The following FAM53A variants were observed in gnomAD, a reference collection of about 807,000 sequenced individuals.
FAM53A encodes protein FAM53A.
Under a neutral mutation model 26.6 loss-of-function variants are expected in FAM53A, and 28 were observed. The ratio of observed to expected loss-of-function variants is 1.05; its 90% confidence interval spans 0.78 to 1.45. The LOEUF is 1.45. Ranked by LOEUF, FAM53A falls within the 40% of genes most tolerant of loss-of-function variation. FAM53A has a pLI of 0.00. For synonymous variants in FAM53A, 290 were observed against 253.1 expected, an observed-to-expected ratio of 1.15 and a Z score of -1.38; for missense variants, 650 against 575.8, an observed-to-expected ratio of 1.13 and a Z score of -1.32.
the FAM53A span, among the ~76,000 whole-genome samples, chr4:1,608,554 T>TGGA: frequency 6.6e-6 from 1 of 152,142 alleles, no homozygotes; most frequent in Non-Finnish European, 1.5e-5. Context: ...GTGAGGCCCC[T>TGGA]GGTGGGAGGG....
At position 1,630,393 on chromosome 4, in the gene FAM53A, G is replaced by A. The variant is rs1300843475; in HGVS notation, c.432-12282C>T. Among the ~76,000 whole-genome samples the A allele has an allele frequency of 6.6e-6, 1 of 152,242 alleles. No individual in the cohort carries two copies. Among genetic ancestry groups the A allele is most frequent in the South Asian group, 2.1e-4 (1 of 4,834 alleles). On this transcript the variant is annotated intron_variant, in intron 1 of 1. Coordinates refer to the FAM53A transcript ENST00000489029. This position sits in a 1 kb window ranked among gnomAD's most constrained non-coding sequence, Gnocchi z 4.3. Reference sequence around the variant, plus strand: ...ACAGCCAAGGTCTACACAAATGCACGTCGGGGAGTTCCCATCAAACTCTAC... The same window carrying A: ...ACAGCCAAGGTCTACACAAATGCACATCGGGGAGTTCCCATCAAACTCTAC...
rs1275344897 is a variant in FAM53A, at chr4:1,641,504, C to T, written c.986G>A (p.Gly329Asp). 4 of 1,614,068 alleles carry T rather than the reference C, an allele frequency of 2.5e-6. No individual in the cohort carries two copies. The highest frequency in any genetic ancestry group is 3.4e-6 in the Non-Finnish European group (4 of 1,180,026). Residue 329 changes from glycine to aspartate, a missense_variant, in exon 5 of 5, where the codon GGC becomes GAC. Physicochemically the swap from Gly to Asp is moderately conservative, Grantham distance 94. Transcript: ENST00000308132. ...GCCAGGCATGGTGATGCCAGGGAGG[C>T]CCCGGGAGTCACATGGGGAGGACAG... ...TVLSSPCDSR[G>D]LPGITMPGCS...
intron 1 of FAM53A, among the ~76,000 whole-genome samples, chr4:1,678,236 A>AG (rs1386099257): frequency 1.3e-5 from 2 of 152,184 alleles, no homozygotes. Context: ...CTAGCTACTT[A>AG]GAAGGCAGAG....
chr4:1,622,605 C>T (rs1715091011), intron 1 of FAM53A, among the ~76,000 whole-genome samples: 1 of 152,230 alleles, frequency 6.6e-6, no homozygotes, highest in African/African-American at 2.4e-5. Context: ...GGGGCAGGGT[C>T]TCCAGCCCTG....
chr4:1,655,332 C>G lies in FAM53A; in HGVS notation c.528G>C (p.Ser176=), dbSNP rs1204258326. The change falls in exon 4 of 5, where the codon TCG becomes TCC. Residue 176 remains serine (S), a synonymous_variant. Transcript: ENST00000308132. ...GAVLPRSAVW[S]TGPTSPATPR... is the part of the protein sequence containing the mutation. ...GCGTGGCGGGCGAGGTGGGACCGGT[C>G]GACCACACAGCACTCCTCGGCAGGA... 6 of 1,423,156 alleles carry G rather than the reference C, an allele frequency of 4.2e-6. No homozygotes were observed. Among genetic ancestry groups the G allele is most frequent in the African/African-American group, 3.0e-5 (2 of 66,348 alleles). 88.2% of individuals were successfully genotyped at this position (1,423,156 alleles called of 1,614,324 possible).
At chr4:1,605,037 C>A in the FAM53A span, among the ~76,000 whole-genome samples, 1 of 152,176 alleles carries the variant, frequency 6.6e-6, no homozygotes, top group Non-Finnish European at 1.5e-5. The surrounding 1 kb of genome is among the most constrained non-coding windows in gnomAD (Gnocchi z 5.7). Flanking sequence ...TGAGCCAGAC[C>A]CTGCTCCCGC....
the FAM53A span, among the ~76,000 whole-genome samples, chr4:1,591,047 A>C: frequency 7.5e-6 from 1 of 133,988 alleles, no homozygotes; most frequent in African/African-American, 2.8e-5. Context: ...ACTAGTCCCT[A>C]ATATTCTTCT....
In FAM53A at chr4:1,641,476, G is replaced by A. The variant is rs370542055; in HGVS notation, c.1014C>T (p.Cys338=). 6.2e-7 allele frequency: 1 copy of A among 1,614,182 alleles called. No individual in the cohort carries two copies. The highest frequency in any genetic ancestry group is 8.5e-7 in the Non-Finnish European group (1 of 1,180,016). ...GGCTGGTCCTGAGGCCCCTCTGGCT[G>A]CAGCCAGGCATGGTGATGCCAGGGA... ...RGLPGITMPG[C]SQRGLRTSPV... Residue 338 remains cysteine, a synonymous_variant, in exon 5 of 5, where the codon TGC becomes TGT. Coordinates refer to ENST00000308132, the MANE Select transcript of FAM53A (RefSeq NM_001174070.3).
the FAM53A span, among the ~76,000 whole-genome samples, chr4:1,598,187 G>A: frequency 6.6e-6 from 1 of 152,256 alleles, no homozygotes; most frequent in Admixed American, 6.5e-5. Flanking sequence ...GCTGTGGGGA[G>A]GTAAGTGGGA....
At chr4:1,643,660 G>C (rs1015722695) in intron 4 of FAM53A, among the ~76,000 whole-genome samples, 1 of 149,428 alleles carries the variant, frequency 6.7e-6, no homozygotes, top group African/African-American at 2.5e-5. Context: ...TCGACCTCCC[G>C]GGCTCAAGCA....
At chr4:1,637,157 T>C (rs1715880057), downstream of FAM53A, among the ~76,000 whole-genome samples, 1 of 140,592 alleles carries the variant, frequency 7.1e-6, no homozygotes, top group Non-Finnish European at 1.5e-5. Context: ...TCAGCTGGGC[T>C]GGGCTGCCAT....
chr4:1,627,067 T>G (rs145141298), intron 1 of FAM53A, among the ~76,000 whole-genome samples: 1 of 152,192 alleles, frequency 6.6e-6, no homozygotes, highest in Non-Finnish European at 1.5e-5. Context: ...AGCGTGGCCA[T>G]GTGGACGCAG....
chr4:1,599,187 G>A, the FAM53A span, among the ~76,000 whole-genome samples: 5 of 147,028 alleles, frequency 3.4e-5, no homozygotes, highest in African/African-American at 1.0e-4. This position sits in a 1 kb window ranked among gnomAD's most constrained non-coding sequence, Gnocchi z 6.1. Flanking sequence ...AACCCCGCCC[G>A]GGACTTCGCC....
chr4:1,602,668 C>T, the FAM53A span, among the ~76,000 whole-genome samples: 4 of 152,210 alleles, frequency 2.6e-5, no homozygotes, highest in African/African-American at 7.2e-5. Flanking sequence ...CCCCTCCGCG[C>T]GCCCCCTCCC....
intron 1 of FAM53A, among the ~76,000 whole-genome samples, chr4:1,675,539 C>T (rs1714983861): frequency 6.6e-6 from 1 of 152,164 alleles, no homozygotes; most frequent in African/African-American, 2.4e-5. Context: ...TGTAACTGCA[C>T]CGTAAATCCC....
intron 1 of FAM53A, among the ~76,000 whole-genome samples, chr4:1,629,382 A>G (rs1333444867): frequency 6.6e-6 from 1 of 152,170 alleles, no homozygotes; most frequent in African/African-American, 2.4e-5. Flanking sequence ...TGGGCCCGCC[A>G]GGGAAAGCGG....
intron 1 of FAM53A, among the ~76,000 whole-genome samples, chr4:1,625,782 G>T (rs1180617998): frequency 6.6e-6 from 1 of 151,838 alleles, no homozygotes; most frequent in Non-Finnish European, 1.5e-5. Flanking sequence ...GTCACGCCAG[G>T]TGATCAGAAG....
chr4:1,574,837 C>T, the FAM53A span, among the ~76,000 whole-genome samples: 1 of 152,248 alleles, frequency 6.6e-6, no homozygotes, highest in Non-Finnish European at 1.5e-5. Flanking sequence ...GCCCTGTGTG[C>T]CAGGCTGCTG....
At chr4:1,663,631 G>T (rs975778638) in intron 2 of FAM53A, among the ~76,000 whole-genome samples, 2 of 152,140 alleles carry the variant, frequency 1.3e-5, no homozygotes, top group Admixed American at 1.3e-4. Context: ...GTGAGCACTA[G>T]AAGTGTTTCT....
Sources: allele counts gnomAD v4.1 joint callset (sites outside exome capture counted in the v4.1 genomes callset), GRCh38; gene constraint gnomAD v4.1.1; non-coding constraint Gnocchi (gnomAD v3.1); transcripts MANE v1.5; gene names NCBI Gene and HGNC (gene_info 2026-07-23, HGNC 2026-07-21).